TASP1: variants seen among roughly 807,000 people sequenced by gnomAD.
TASP1 encodes the protein threonine aspartase 1.
A neutral mutation model predicts 56.6 loss-of-function variants in TASP1; 16 were observed. That is an observed-to-expected ratio of 0.28 (90% CI 0.19 to 0.43). TASP1 has a LOEUF of 0.43. Ranked by LOEUF, TASP1 falls within the 20% of genes least tolerant of loss-of-function variation. TASP1 has a pLI of 1.00. For missense variants in TASP1, 393 were observed against 511.6 expected (o/e 0.77, Z 2.24); for synonymous variants, 179 against 184.2 (o/e 0.97, Z 0.23).
intron 11 of TASP1, among the ~76,000 whole-genome samples, chr20:13,459,576 T>G (rs1444949880): frequency 6.6e-6 from 1 of 152,200 alleles, no homozygotes; most frequent in Non-Finnish European, 1.5e-5. Context: ...TCATGGTCAC[T>G]ATCTTCAATT....
At chr20:13,479,823 G>A (rs2043074970) in intron 11 of TASP1, among the ~76,000 whole-genome samples, 1 of 152,154 alleles carries the variant, frequency 6.6e-6, no homozygotes, top group Non-Finnish European at 1.5e-5. Context: ...GTTTAGTTTG[G>A]CTTGTGAACT....
At chr20:13,637,346 TAAA>T (rs1445451788) in intron 1 of TASP1, among the ~76,000 whole-genome samples, 3 of 152,206 alleles carry the variant, frequency 2.0e-5, no homozygotes, top group African/African-American at 7.2e-5. Context: ...CTCAAAAAGT[TAAA>T]CATAGAGTTA....
At chr20:13,366,143 G>C in the TASP1 span, among the ~76,000 whole-genome samples, 5 of 152,188 alleles carry the variant, frequency 3.3e-5, no homozygotes, top group African/African-American at 1.2e-4. Flanking sequence ...GACATATTTG[G>C]AAATGCTTTA....
chr20:13,632,438 T>C (rs897783426), intron 1 of TASP1, among the ~76,000 whole-genome samples: 2 of 152,142 alleles, frequency 1.3e-5, no homozygotes, highest in African/African-American at 4.8e-5. Context: ...ATCAACATTT[T>C]ATATGGTTTG....
At chr20:13,227,095 T>C in the TASP1 span, among the ~76,000 whole-genome samples, 1 of 152,234 alleles carries the variant, frequency 6.6e-6, no homozygotes, top group Non-Finnish European at 1.5e-5. Context: ...CTTTTTTGTG[T>C]CATATTAATA....
intron 10 of TASP1, among the ~76,000 whole-genome samples, chr20:13,516,479 G>A (rs2044538586): frequency 6.6e-6 from 1 of 152,036 alleles, no homozygotes; most frequent in Admixed American, 6.6e-5. Context: ...TGAACCATAT[G>A]AAGGGAGCTT....
At position 13,587,278 on chromosome 20, in the gene TASP1, T is replaced by C; in HGVS notation, c.375A>G (p.Leu125=). 1.9e-6 allele frequency: 3 copies of C among 1,613,022 alleles called. No individual in the cohort carries two copies. The highest frequency in any genetic ancestry group is 2.5e-6 in the Non-Finnish European group (3 of 1,179,624). ...TCAGTGCTCCAACTGCTCCAAAATT[T>C]AAGGATTTTCCATCCATTATGCTGG... ...CDASIMDGKS[L]NFGAVGALSG... is the part of the protein sequence containing the mutation. Residue 125 remains leucine, a synonymous_variant, in exon 5 of 14, where the codon TTA becomes TTG. Transcript: ENST00000337743.
At chr20:13,413,909 GCCCTTTAC>G (rs1431106147) in intron 13 of TASP1, among the ~76,000 whole-genome samples, 1 of 151,384 alleles carries the variant, frequency 6.6e-6, no homozygotes, top group East Asian at 1.9e-4. Flanking sequence ...CCATATTATG[GCCCTTTAC>G]CCCTAGATGC....
At chr20:13,437,927 A>AT (rs1351885089) in intron 11 of TASP1, among the ~76,000 whole-genome samples, 1 of 152,206 alleles carries the variant, frequency 6.6e-6, no homozygotes, top group East Asian at 1.9e-4. Flanking sequence ...GAAAATGGCC[A>AT]TACTGCCCAA....
At chr20:13,268,168 C>T in the TASP1 span, among the ~76,000 whole-genome samples, 1,847 of 76,370 alleles carry the variant, frequency 0.024, 37 homozygotes, top group African/African-American at 0.082. Flanking sequence ...TCCCTTCTCT[C>T]CTCTCCTCTC....
At chr20:13,149,404 T>A in the TASP1 span, among the ~76,000 whole-genome samples, 1 of 152,216 alleles carries the variant, frequency 6.6e-6, no homozygotes, top group African/African-American at 2.4e-5. Flanking sequence ...CCCAACATAA[T>A]TAATAAAATC....
chr20:13,265,964 G>A, the TASP1 span, among the ~76,000 whole-genome samples: 1 of 152,152 alleles, frequency 6.6e-6, no homozygotes, highest in African/African-American at 2.4e-5. Context: ...CCTCAGGCCT[G>A]CCAGCCGCCT....
intron 10 of TASP1, among the ~76,000 whole-genome samples, chr20:13,504,077 T>G (rs1006394434): frequency 4.6e-5 from 7 of 151,978 alleles, no homozygotes; most frequent in African/African-American, 1.4e-4. Context: ...TGGGGAGAGA[T>G]ATAGGCATCC....
chr20:13,473,045 T>C (rs2044576048), intron 11 of TASP1, among the ~76,000 whole-genome samples: 1 of 152,024 alleles, frequency 6.6e-6, no homozygotes, highest in Non-Finnish European at 1.5e-5. Context: ...CACATACGTT[T>C]ATTTCAGAAC....
At chr20:13,446,459 A>G (rs2043414190) in intron 11 of TASP1, among the ~76,000 whole-genome samples, 1 of 152,154 alleles carries the variant, frequency 6.6e-6, no homozygotes, top group African/African-American at 2.4e-5. Flanking sequence ...GAAATGTACT[A>G]CAAAAACCAC....
intron 12 of TASP1, among the ~76,000 whole-genome samples, chr20:13,433,681 C>T (rs1429139985): frequency 6.6e-6 from 1 of 151,614 alleles, no homozygotes; most frequent in African/African-American, 2.4e-5. Flanking sequence ...CCATAAAAAA[C>T]ACACAGTCTT....
the TASP1 span, among the ~76,000 whole-genome samples, chr20:13,135,867 T>G: frequency 6.6e-6 from 1 of 152,248 alleles, no homozygotes; most frequent in Non-Finnish European, 1.5e-5. Context: ...AGTGCCAGGC[T>G]GGTGGGATAA....
chr20:13,353,752 G>GT, the TASP1 span, among the ~76,000 whole-genome samples: 1 of 152,104 alleles, frequency 6.6e-6, no homozygotes, highest in East Asian at 1.9e-4. Context: ...AGAGCATCTG[G>GT]CCCACTGCCT....
At chr20:13,379,853 T>G in the TASP1 span, among the ~76,000 whole-genome samples, 2 of 152,212 alleles carry the variant, frequency 1.3e-5, no homozygotes, top group Non-Finnish European at 2.9e-5. Flanking sequence ...TTTCTTCCAT[T>G]TGATCGATTT....
Sources: gnomAD v4.1 joint callset for allele counts (sites outside exome capture counted in the v4.1 genomes callset) on GRCh38, gnomAD v4.1.1 for gene constraint, MANE v1.5 for transcripts, NCBI Gene and HGNC (gene_info 2026-07-23, HGNC 2026-07-21) for gene names.